The following MPP7 variants were observed in gnomAD, a reference collection of about 807,000 sequenced individuals.
The protein encoded by MPP7 is MAGUK p55 scaffold protein 7.
In MPP7, 60 loss-of-function variants were observed where a neutral mutation model predicts 76.5. The observed-to-expected ratio is 0.78, with a 90% CI of 0.64 to 0.97. MPP7 has a LOEUF of 0.97. Ranked by LOEUF, MPP7 falls within the 50% of genes least tolerant of loss-of-function variation. MPP7 has a pLI of 0.00. For missense variants in MPP7, 641 were observed against 694.0 expected, an observed-to-expected ratio of 0.92 and a Z score of 0.86; for synonymous variants, 237 against 244.5, an observed-to-expected ratio of 0.97 and a Z score of 0.29.
intron 3 of MPP7, among the ~76,000 whole-genome samples, chr10:28,166,627 G>A (rs1232329764): frequency 6.6e-6 from 1 of 151,810 alleles, no homozygotes; most frequent in African/African-American, 2.4e-5. Context: ...GGCTGGTCTC[G>A]AACTCCCGAC....
At chr10:28,125,863 T>C (rs537227478) in intron 6 of MPP7, among the ~76,000 whole-genome samples, 5 of 152,318 alleles carry the variant, frequency 3.3e-5, no homozygotes, top group African/African-American at 9.6e-5. Flanking sequence ...AACTGCTGCC[T>C]TGTAAGAACA....
intron 11 of MPP7, among the ~76,000 whole-genome samples, chr10:28,104,267 A>C (rs187024333): frequency 6.6e-6 from 1 of 152,348 alleles, no homozygotes; most frequent in East Asian, 1.9e-4. Context: ...TCAAATTAAC[A>C]GAAGACTGAT....
chr10:28,099,907 A>C (rs940762220), intron 11 of MPP7, among the ~76,000 whole-genome samples: 3 of 151,994 alleles, frequency 2.0e-5, no homozygotes, highest in Non-Finnish European at 4.4e-5. Flanking sequence ...TTTTCAACGG[A>C]GAAAAAAAAA....
intron 1 of MPP7, among the ~76,000 whole-genome samples, chr10:28,294,450 A>C (rs1840995161): frequency 6.6e-6 from 1 of 152,356 alleles, no homozygotes; most frequent in African/African-American, 2.4e-5. Context: ...AATGTAAACT[A>C]TAAGGGTTAT....
At chr10:28,256,542 C>T (rs1839792656) in intron 1 of MPP7, among the ~76,000 whole-genome samples, 1 of 151,976 alleles carries the variant, frequency 6.6e-6, no homozygotes, top group African/African-American at 2.4e-5. Context: ...AAATGTTCAT[C>T]AATCAGGCAA....
At chr10:28,307,493 G>A (rs1351157642), upstream of MPP7, 1 of 152,146 alleles carries the variant, frequency 6.6e-6, no homozygotes, top group Admixed American at 6.5e-5. Flanking sequence ...AGAACAAGCA[G>A]GACAGAGGCG....
intron 2 of MPP7, among the ~76,000 whole-genome samples, chr10:28,217,804 T>C (rs1036424828): frequency 6.6e-6 from 1 of 152,198 alleles, no homozygotes; most frequent in African/African-American, 2.4e-5. Flanking sequence ...ACCAGGGTTG[T>C]CATGTTTGTC....
In MPP7 at chr10:28,124,860, AG is replaced by A. The variant is rs1258694439; in HGVS notation, c.529+149del. On this transcript the variant is annotated intron_variant, in intron 7 of 16. Transcript: ENST00000683449. ...ATGTTTATCTATCATTTATTTAAATAGGCTCTCACATTTCAACACAGAGAAA... is the reference window on the plus strand; with the variant it reads ...ATGTTTATCTATCATTTATTTAAATAGCTCTCACATTTCAACACAGAGAAA... 3 of 637,392 alleles carry A rather than the reference AG, an allele frequency of 4.7e-6. No homozygotes were observed. In the African/African-American group the frequency reaches 5.5e-5, roughly 12 times the overall value. 39.5% of individuals were successfully genotyped at this position (637,392 alleles called of 1,614,324 possible).
intron 1 of MPP7, among the ~76,000 whole-genome samples, chr10:28,296,635 C>T (rs1324040873): frequency 6.6e-6 from 1 of 152,192 alleles, no homozygotes; most frequent in Non-Finnish European, 1.5e-5. Flanking sequence ...CAGTAATAAA[C>T]AAGCCTGACA....
chr10:28,145,064 C>A (rs551769054), intron 5 of MPP7, among the ~76,000 whole-genome samples: 9 of 152,272 alleles, frequency 5.9e-5, no homozygotes, highest in African/African-American at 2.2e-4. Flanking sequence ...CAGGCACACA[C>A]CACCACACCT....
Position 28,052,016 on chromosome 10 carries a change from A to AT in MPP7, c.*2048dup, listed in dbSNP as rs1323446165. 4.1e-5 allele frequency: 6 copies of AT among 148,000 alleles called. No homozygotes were observed. Among genetic ancestry groups the AT allele is most frequent in the African/African-American group, 1.5e-4 (6 of 39,660 alleles). The allele number at this position is 148,000 out of a possible 1,614,324, so 9.2% of individuals were successfully genotyped here. A position where few individuals can be genotyped will look rare whatever the true frequency, so the allele number is the denominator to read the frequency against. The stretch of plus-strand genomic sequence containing the variant: ...GGACCTTTCTTTTTTAAAATGTTAT[A>AT]TTTTTATAACATCTTATTATTACCA... On this transcript the variant is annotated 3_prime_UTR_variant, in exon 17 of 17. Transcript: ENST00000683449.
chr10:28,106,362 T>C lies in MPP7; in HGVS notation c.952+13289A>G, dbSNP rs1834325970. Among the ~76,000 whole-genome samples, 3 of 152,318 alleles carry C rather than the reference T, an allele frequency of 2.0e-5. No homozygotes were observed. In the South Asian group the frequency reaches 6.2e-4, roughly 32 times the overall value. On this transcript the variant is annotated intron_variant, in intron 11 of 16. Coordinates refer to ENST00000683449, the MANE Select transcript of MPP7 (RefSeq NM_001318170.2). ...GAAGTGTAGGTGAAGATAAGATGCC[T>C]GTAACAATTTCTAGGTAGTCCTGCT...
intron 2 of MPP7, among the ~76,000 whole-genome samples, chr10:28,229,356 C>T (rs568088276): frequency 6.6e-6 from 1 of 152,334 alleles, no homozygotes; most frequent in South Asian, 2.1e-4. Context: ...ATAATAACTG[C>T]TAACCTAGCG....
chr10:28,060,560 T>C (rs1371680568), intron 13 of MPP7, among the ~76,000 whole-genome samples: 1 of 152,220 alleles, frequency 6.6e-6, no homozygotes, highest in Admixed American at 6.5e-5. Context: ...GGAGTTTAAC[T>C]CTATTTTCCT....
chr10:28,226,667 CTTAAAAATG>C (rs71959814), intron 2 of MPP7, among the ~76,000 whole-genome samples: 26,299 of 152,032 alleles, frequency 0.17, 2,547 homozygotes, highest in African/African-American at 0.26. Context: ...AAATTTTATA[CTTAAAAATG>C]GTAAAAATGG....
intron 1 of MPP7, among the ~76,000 whole-genome samples, chr10:28,243,077 CT>C (rs138852975): frequency 2.3e-3 from 341 of 145,158 alleles, no homozygotes; most frequent in Middle Eastern, 3.6e-3. Flanking sequence ...GATCATGGAA[CT>C]TTTTTTTTTT....
intron 2 of MPP7, among the ~76,000 whole-genome samples, chr10:28,327,606 C>T (rs1834429606): frequency 6.6e-6 from 1 of 152,104 alleles, no homozygotes; most frequent in African/African-American, 2.4e-5. Flanking sequence ...TTTACAGAAG[C>T]TGTTTAATCT....
intron 12 of MPP7, among the ~76,000 whole-genome samples, chr10:28,073,215 AG>A (rs1588725577): frequency 1.3e-5 from 2 of 152,084 alleles, no homozygotes; most frequent in Non-Finnish European, 2.9e-5. Context: ...CAACCACCAA[AG>A]GCTGCCAATT....
At chr10:28,310,020 T>TGTTTA in intron 2 of MPP7, among the ~76,000 whole-genome samples, 1 of 144,242 alleles carries the variant, frequency 6.9e-6, no homozygotes, top group South Asian at 2.2e-4. Context: ...TTTTTTTTTT[T>TGTTTA]AAACGGAGTC....
Sources: allele counts gnomAD v4.1 joint callset (sites outside exome capture counted in the v4.1 genomes callset), GRCh38; gene constraint gnomAD v4.1.1; transcripts MANE v1.5; gene names NCBI Gene and HGNC (gene_info 2026-07-23, HGNC 2026-07-21).